Variants in SYT1 observed in about 807,000 individuals in gnomAD.
The protein encoded by SYT1 is synaptotagmin 1.
In SYT1, 8 loss-of-function variants were observed where a neutral mutation model predicts 44.8. The ratio of observed to expected loss-of-function variants is 0.18; its 90% CI spans 0.10 to 0.32. SYT1 has a LOEUF of 0.32. Among genes scored for constraint, SYT1 ranks in the 10% least tolerant of loss-of-function variants. SYT1 has a pLI of 1.00. For synonymous variants in SYT1, 154 were observed against 188.8 expected (o/e 0.82, Z 1.51); for missense variants, 286 against 509.3 (o/e 0.56, Z 4.22).
chr12:79,419,302 A>C lies in SYT1; in HGVS notation c.929-24771A>C, dbSNP rs779199694. On this transcript the variant is annotated intron_variant, in intron 9 of 10. Transcript: ENST00000261205. ...CATTTAGAAAAGAGAATTCCAAATG[A>C]GCTTAATTTCCTTTTTTCTAAATCT... 7 of 520,062 alleles carry C rather than the reference A, an allele frequency of 1.3e-5. No individual in the cohort carries two copies. The Admixed American group carries it at 1.4e-4, about 10-fold the overall frequency. The allele number at this position is 520,062 out of a possible 1,614,324, so 32.2% of individuals were successfully genotyped here.
chr12:79,418,391 T>C (rs773609809), intron 9 of SYT1, among the ~76,000 whole-genome samples: 4 of 152,158 alleles, frequency 2.6e-5, no homozygotes, highest in Admixed American at 6.6e-5. Context: ...TGACAATCTC[T>C]CCAATGGGGT....
At chr12:79,307,587 G>A (rs1880460348) in intron 8 of SYT1, among the ~76,000 whole-genome samples, 1 of 150,810 alleles carries the variant, frequency 6.6e-6, no homozygotes. Context: ...CCTGGGCGTT[G>A]GGCGAGCCCG....
intron 1 of SYT1, among the ~76,000 whole-genome samples, chr12:78,886,645 T>C (rs942388092): frequency 1.3e-5 from 2 of 152,026 alleles, no homozygotes; most frequent in Admixed American, 6.6e-5. Context: ...TATTTACCTA[T>C]TGCCTGCTCT....
chr12:78,917,006 CAT>C (rs1165275573), intron 1 of SYT1, among the ~76,000 whole-genome samples: 1 of 152,010 alleles, frequency 6.6e-6, no homozygotes, highest in Non-Finnish European at 1.5e-5. Context: ...GATGATGACT[CAT>C]TGAAGCCCTG....
At chr12:78,931,301 A>AGGAG (rs1877691725) in intron 1 of SYT1, among the ~76,000 whole-genome samples, 1 of 65,554 alleles carries the variant, frequency 1.5e-5, no homozygotes, top group Non-Finnish European at 3.1e-5. Context: ...GAAGGAAGGA[A>AGGAG]GGAAGGAGAG....
chr12:79,135,944 A>C (rs1869162118), intron 3 of SYT1, among the ~76,000 whole-genome samples: 3 of 152,178 alleles, frequency 2.0e-5, no homozygotes, highest in Non-Finnish European at 4.4e-5. Context: ...AAGCAAATCA[A>C]AGTGGCAAGC....
At chr12:79,328,845 CAAAAA>C (rs986493458) in intron 8 of SYT1, among the ~76,000 whole-genome samples, 1 of 92,192 alleles carries the variant, frequency 1.1e-5, no homozygotes. Flanking sequence ...GACTCCATCT[CAAAAA>C]AAAAAAAAAA....
intron 9 of SYT1, among the ~76,000 whole-genome samples, chr12:79,382,120 G>T (rs934767077): frequency 1.3e-5 from 2 of 152,114 alleles, no homozygotes; most frequent in African/African-American, 4.8e-5. Flanking sequence ...TTAAAGAAAC[G>T]CTACAGATGA....
chr12:79,317,832 G>A (rs576349304), intron 8 of SYT1, among the ~76,000 whole-genome samples: 2 of 152,236 alleles, frequency 1.3e-5, no homozygotes, highest in South Asian at 4.1e-4. Flanking sequence ...TTTCCTTAGG[G>A]GTATTCATGG....
At chr12:79,031,423 CA>C (rs1482488870) in intron 2 of SYT1, among the ~76,000 whole-genome samples, 1 of 151,034 alleles carries the variant, frequency 6.6e-6, no homozygotes, top group Non-Finnish European at 1.5e-5. Flanking sequence ...GGCTTCTTCA[CA>C]ATAAAGAAAC....
intron 10 of SYT1, among the ~76,000 whole-genome samples, chr12:79,448,393 T>TATTA (rs1222149733): frequency 6.6e-6 from 1 of 152,234 alleles, no homozygotes; most frequent in Non-Finnish European, 1.5e-5. Flanking sequence ...ATTAATTCTA[T>TATTA]ATTAATTTTT....
chr12:78,920,390 T>C (rs1294633483), intron 1 of SYT1, among the ~76,000 whole-genome samples: 1 of 151,982 alleles, frequency 6.6e-6, no homozygotes, highest in East Asian at 1.9e-4. Context: ...AGACAAAATA[T>C]GCATCATAGA....
At chr12:79,439,660 T>C (rs1207609370) in intron 9 of SYT1, among the ~76,000 whole-genome samples, 1 of 152,154 alleles carries the variant, frequency 6.6e-6, no homozygotes, top group Admixed American at 6.5e-5. Flanking sequence ...TGAATCACTT[T>C]CCATGTGGTA....
At chr12:79,081,021 T>C (rs541753160) in intron 3 of SYT1, among the ~76,000 whole-genome samples, 19 of 152,282 alleles carry the variant, frequency 1.2e-4, no homozygotes, top group Admixed American at 3.3e-4. Context: ...TCAGATGGTA[T>C]AGAGCTATAT....
intron 4 of SYT1, among the ~76,000 whole-genome samples, chr12:79,225,769 C>T (rs146719636): frequency 6.6e-5 from 10 of 152,218 alleles, no homozygotes; most frequent in Non-Finnish European, 8.8e-5. Flanking sequence ...TCCCCATATA[C>T]GAGCCTAACT....
At chr12:79,048,257 GA>G (rs907127479) in intron 3 of SYT1, among the ~76,000 whole-genome samples, 1 of 151,350 alleles carries the variant, frequency 6.6e-6, no homozygotes, top group Non-Finnish European at 1.5e-5. Context: ...AAGTTCAATG[GA>G]AAAAAATGTA....
At chr12:79,241,469 G>A (rs528743989) in intron 4 of SYT1, among the ~76,000 whole-genome samples, 34 of 152,018 alleles carry the variant, frequency 2.2e-4, no homozygotes, top group Non-Finnish European at 4.0e-4. Flanking sequence ...ATGGGGTTTC[G>A]CCATGTTGGC....
At chr12:79,109,467 CTTAT>C (rs1157872941) in intron 3 of SYT1, among the ~76,000 whole-genome samples, 2 of 152,272 alleles carry the variant, frequency 1.3e-5, no homozygotes, top group African/African-American at 2.4e-5. Context: ...AGCTAGATCA[CTTAT>C]TTATTTGCTA....
chr12:79,184,994 G>A lies in SYT1; in HGVS notation c.-17-32509G>A, dbSNP rs573725880. 1.8e-4 allele frequency among the ~76,000 whole-genome samples: 27 copies of A among 152,074 alleles called. No homozygotes were observed. In the South Asian group the frequency reaches 3.3e-3, roughly 19 times the overall value. On this transcript the variant is annotated intron_variant, in intron 3 of 10. Transcript: ENST00000261205. ...AAACTGCATGAGCTGTGTTCTTACC[G>A]CAAGAGCATCTTCATTAGCAAACAG...
Sources: allele counts gnomAD v4.1 joint callset (sites outside exome capture counted in the v4.1 genomes callset), GRCh38; gene constraint gnomAD v4.1.1; transcripts MANE v1.5; gene names NCBI Gene and HGNC (gene_info 2026-07-23, HGNC 2026-07-21).